HLA-G: variants seen among roughly 807,000 people sequenced by gnomAD.
HLA-G encodes the protein major histocompatibility complex, class I, G.
In HLA-G, 34 loss-of-function variants were observed where a neutral mutation model predicts 39.3. That is an observed-to-expected ratio of 0.86 (90% CI 0.66 to 1.15). HLA-G has a LOEUF of 1.15. Ranked by LOEUF, HLA-G falls within the 50% of genes most tolerant of loss-of-function variation. The probability of loss-of-function intolerance (pLI) is 0.00; values close to 1 mark genes in which losing one functional copy is unlikely to be tolerated. For missense variants in HLA-G, 419 were observed against 456.4 expected, an observed-to-expected ratio of 0.92 and a Z score of 0.75; for synonymous variants, 183 against 185.8, an observed-to-expected ratio of 0.99 and a Z score of 0.12.
At chr6:29,827,169 A>AT (rs1261560646), upstream of HLA-G, 6 of 461,848 alleles carry the variant, frequency 1.3e-5, no homozygotes, top group Non-Finnish European at 2.7e-5. Context: ...CCAAAGTCAC[A>AT]TTTTTTACCG....
rs1243225621 is a variant in HLA-G at position 29,828,256 on chromosome 6, G to T, written c.283G>T (p.Ala95Ser). The change falls in exon 2 of 7, where the codon GCA becomes TCA. Residue 95 changes from alanine (A) to serine (S), a missense_variant. Transcript: ENST00000360323. ...EEETRNTKAH[A>S]QTDRMNLQTL... ...GGAGACACGGAACACCAAGGCCCAC[G>T]CACAGACTGACAGAATGAACCTGCA... 2 of 1,613,450 alleles carry T rather than the reference G, an allele frequency of 1.2e-6. No individual in the cohort carries two copies. The highest frequency in any genetic ancestry group is 2.2e-5 in the East Asian group (1 of 44,874).
chr6:29,829,743 C>T (rs1302651565), intron 4 of HLA-G, 50 bp downstream of exon 4: 2 of 1,605,254 alleles, frequency 1.2e-6, no homozygotes, highest in African/African-American at 2.7e-5. Flanking sequence ...GCAGGAGCCT[C>T]TCTGAAGACC....
upstream of HLA-G, chr6:29,827,028 A>G (rs1450975224): frequency 1.9e-6 from 1 of 526,840 alleles, no homozygotes; most frequent in Non-Finnish European, 3.9e-6. Flanking sequence ...ACGGAAACTT[A>G]GGGCTACGGA....
chr6:29,828,571 C>T lies in HLA-G; in HGVS notation c.372C>T (p.Gly124=), dbSNP rs79303923. 6,638 of 1,612,976 alleles carry T rather than the reference C, an allele frequency of 4.1e-3. 24 individuals are homozygous for T. The highest frequency in any genetic ancestry group is 5.1e-3 in the African/African-American group (385 of 75,060). The change falls in exon 3 of 7, where the codon GGC becomes GGT. Residue 124 remains glycine (G), a synonymous_variant. Coordinates refer to ENST00000360323, the MANE Select transcript of HLA-G (RefSeq NM_001384290.1). ...ASSHTLQWMI[G]CDLGSDGRLL... ...CTCACACCCTCCAGTGGATGATTGG[C>T]TGCGACCTGGGGTCCGACGGACGCC... is the stretch of plus-strand genomic sequence containing the variant.
At chr6:29,827,824 C>G (rs771111444), upstream of HLA-G, 3 of 1,609,898 alleles carry the variant, frequency 1.9e-6, no homozygotes, top group Non-Finnish European at 2.5e-6. Flanking sequence ...CACCCGGACT[C>G]ATTCTCCCCA....
At chr6:29,827,707 C>T, upstream of HLA-G, 1 of 861,124 alleles carries the variant, frequency 1.2e-6, no homozygotes, top group South Asian at 1.4e-5. Flanking sequence ...GGTCCTTCTT[C>T]CTGGATACTC....
rs952707994 is a variant in HLA-G at position 29,828,764 on chromosome 6, G to A, written c.565G>A (p.Val189Met). 7.4e-6 allele frequency: 12 copies of A among 1,614,060 alleles called. No individual in the cohort carries two copies. Among genetic ancestry groups the A allele is most frequent in the African/African-American group, 1.3e-5 (1 of 75,044 alleles). The stretch of plus-strand genomic sequence containing the variant: ...GAGAGCCTACCTGGAGGGCACGTGC[G>A]TGGAGTGGCTCCACAGATACCTGGA... The part of the protein sequence containing the change: ...QRRAYLEGTC[V>M]EWLHRYLENG... Residue 189 changes from valine to methionine, a missense_variant, in exon 3 of 7, where the codon GTG (valine) becomes ATG (methionine). By Grantham distance (21) the Val-to-Met change is conservative (BLOSUM62 1). Around this residue, in one of 2 missense-constraint regions of HLA-G, gnomAD observed 328 missense variants for 323.0 expected, o/e 1.02. Coordinates refer to ENST00000360323, the MANE Select transcript of HLA-G (RefSeq NM_001384290.1).
In HLA-G at chr6:29,828,221, A is replaced by G. The variant is rs1446958325; in HGVS notation, c.248A>G (p.Tyr83Cys). ...TGGGTGGAGCAGGAGGGGCCGGAGT[A>G]TTGGGAAGAGGAGACACGGAACACC... ...APWVEQEGPE[Y>C]WEEETRNTKA... Residue 83 changes from tyrosine to cysteine, a missense_variant, in exon 2 of 7, where the codon TAT (tyrosine) becomes TGT (cysteine). This residue lies in a region of HLA-G where 91 missense variants were observed against 133.4 expected (regional missense o/e 0.68). Coordinates refer to ENST00000360323, the MANE Select transcript of HLA-G (RefSeq NM_001384290.1). 23 of 1,613,454 alleles carry G rather than the reference A, an allele frequency of 1.4e-5. No individual in the cohort carries two copies. Among genetic ancestry groups the G allele is most frequent in the Non-Finnish European group, 1.9e-5 (23 of 1,179,870 alleles).
In HLA-G at chr6:29,829,595, A is replaced by T. The variant is rs760500349; in HGVS notation, c.797A>T (p.Gln266Leu). The T allele has an allele frequency of 6.8e-6, 11 of 1,614,096 alleles. No homozygotes were observed. Among genetic ancestry groups the T allele is most frequent in the Non-Finnish European group, 9.3e-6 (11 of 1,180,014 alleles). Reference protein sequence around the residue: ...ETRPAGDGTFQKWAAVVVPSG... With the variant: ...ETRPAGDGTFLKWAAVVVPSG... ...AGGCCTGCAGGGGATGGAACCTTCC[A>T]GAAGTGGGCAGCTGTGGTGGTGCCT... is the stretch of plus-strand genomic sequence containing the variant. Residue 266 changes from glutamine to leucine, a missense_variant, in exon 4 of 7, where the codon CAG becomes CTG. Around this residue, in one of 2 missense-constraint regions of HLA-G, gnomAD observed 328 missense variants for 323.0 expected, o/e 1.02. Transcript: ENST00000360323.
intron 1 of HLA-G, 59 bp downstream of exon 1, chr6:29,827,976 G>T (rs1182380140): frequency 8.8e-6 from 14 of 1,588,654 alleles, no homozygotes; most frequent in Non-Finnish European, 1.2e-5. Flanking sequence ...GGCCGGCCCG[G>T]CGGGGGCGCA....
intron 5 of HLA-G, 50 bp downstream of exon 5, chr6:29,829,982 G>T (rs1374054200): frequency 1.5e-6 from 2 of 1,326,374 alleles, no homozygotes; most frequent in African/African-American, 1.4e-5. Flanking sequence ...CCCACTGGGG[G>T]TTTCAAGCCC....
chr6:29,827,967 G>A (rs745770313), intron 1 of HLA-G, 50 bp downstream of exon 1: 3 of 1,586,794 alleles, frequency 1.9e-6, no homozygotes, highest in African/African-American at 1.3e-5. Context: ...GGAGGGAGGG[G>A]CCGGCCCGGC....
chr6:29,830,247 C>G, intron 5 of HLA-G, 131 bp from the exon 6 acceptor site: 1 of 1,057,260 alleles, frequency 9.5e-7, no homozygotes, highest in Non-Finnish European at 1.5e-6. Context: ...CCTTGTTTTT[C>G]CTGATCCCGC....
At chr6:29,830,479 A>C in intron 6 of HLA-G, 69 bp downstream of exon 6, 2 of 1,333,628 alleles carry the variant, frequency 1.5e-6, no homozygotes, top group Non-Finnish European at 2.2e-6. Context: ...GGGGGAGCTC[A>C]CCCACCCCAC....
chr6:29,830,423 G>C lies in HLA-G; in HGVS notation c.*28+13G>C. On this transcript the variant is annotated intron_variant, in intron 6 of 6. Transcript: ENST00000360323. ...TCTCAGGCTGCAAGTAAGTATGAAG[G>C]AGGCTGATCCCTGAGATCCTTGGGA... The C allele has an allele frequency of 6.2e-7, 1 of 1,610,100 alleles. No homozygotes were observed.
chr6:29,829,674 G>A lies in HLA-G; in HGVS notation c.876G>A (p.Glu292=). ...TCHVQHEGLP[E]PLMLRWKQSS... ...ATGTGCAGCATGAGGGGCTGCCGGA[G>A]CCCCTCATGCTGAGATGGAGTAAGG... Residue 292 remains glutamate, a synonymous_variant, in exon 4 of 7, where the codon GAG becomes GAA. Transcript: ENST00000360323. 1 of 1,613,074 alleles carries A rather than the reference G, an allele frequency of 6.2e-7. No individual in the cohort carries two copies. Among genetic ancestry groups the A allele is most frequent in the Non-Finnish European group, 8.5e-7 (1 of 1,179,768 alleles).
Position 29,828,222 on chromosome 6 carries a change from T to C in HLA-G, c.249T>C (p.Tyr83=), listed in dbSNP as rs774484424. Residue 83 remains tyrosine, a synonymous_variant, in exon 2 of 7, where the codon TAT becomes TAC. Coordinates refer to ENST00000360323, the MANE Select transcript of HLA-G (RefSeq NM_001384290.1). ...GGGTGGAGCAGGAGGGGCCGGAGTA[T>C]TGGGAAGAGGAGACACGGAACACCA... ...APWVEQEGPE[Y]WEEETRNTKA... 4.3e-6 allele frequency: 7 copies of C among 1,613,300 alleles called. No individual in the cohort carries two copies. Among genetic ancestry groups the C allele is most frequent in the Admixed American group, 1.7e-5 (1 of 60,000 alleles).
chr6:29,828,322 T>C lies in HLA-G; in HGVS notation c.343+6T>C, dbSNP rs1356474225. ...CTACAACCAGAGCGAGGCCAGTGAG[T>C]AACTCCGGCCCAGGGAGCAGATCAC... is the stretch of plus-strand genomic sequence containing the variant. On this transcript the variant is annotated splice_donor_region_variant and intron_variant, in intron 2 of 6. Coordinates refer to ENST00000360323, the MANE Select transcript of HLA-G (RefSeq NM_001384290.1). 2 of 1,607,186 alleles carry C rather than the reference T, an allele frequency of 1.2e-6. No homozygotes were observed. The highest frequency in any genetic ancestry group is 2.2e-5 in the South Asian group (2 of 90,464).
chr6:29,827,035 C>G (rs182801644), upstream of HLA-G: 1 of 524,706 alleles, frequency 1.9e-6, no homozygotes. Flanking sequence ...CTTAGGGCTA[C>G]GGAATGAAGG....
Sources: gnomAD v4.1 joint callset for allele counts on GRCh38, gnomAD v4.1.1 for gene constraint, gnomAD v4.1.1 regional missense constraint, MANE v1.5 for transcripts, NCBI Gene and HGNC (gene_info 2026-07-23, HGNC 2026-07-21) for gene names.